The following TRIM44 variants were observed in gnomAD, a reference collection of about 807,000 sequenced individuals.
The protein encoded by TRIM44 is tripartite motif-containing protein 44.
TRIM44 carries 13 observed loss-of-function variants against 37.4 expected under a neutral mutation model. The ratio of observed to expected loss-of-function variants is 0.35; its 90% CI spans 0.23 to 0.55. TRIM44 has a LOEUF of 0.55. Among genes scored for constraint, TRIM44 ranks in the 20% least tolerant of loss-of-function variants. TRIM44 has a pLI of 0.89. For missense variants in TRIM44, 426 were observed against 437.2 expected (o/e 0.97, Z 0.23); for synonymous variants, 175 against 157.2 (o/e 1.11, Z -0.85).
chr11:35,754,378 G>A (rs11033265), intron 4 of TRIM44, among the ~76,000 whole-genome samples: 2,263 of 152,214 alleles, frequency 0.015, 120 homozygotes, highest in East Asian at 0.14. Flanking sequence ...TCTAGTGCCC[G>A]ACTATTATGG....
At chr11:35,783,686 CAGAT>C (rs1324384112) in intron 4 of TRIM44, among the ~76,000 whole-genome samples, 1 of 152,108 alleles carries the variant, frequency 6.6e-6, no homozygotes, top group Non-Finnish European at 1.5e-5. Context: ...GTTCATGTAG[CAGAT>C]AGAATGTTTT....
At chr11:35,711,423 C>T (rs1386572680) in intron 2 of TRIM44, among the ~76,000 whole-genome samples, 1 of 151,280 alleles carries the variant, frequency 6.6e-6, no homozygotes, top group African/African-American at 2.4e-5. Context: ...TGCTATCTGA[C>T]CTTGGGCAAA....
intron 4 of TRIM44, among the ~76,000 whole-genome samples, chr11:35,771,945 C>T (rs1852878605): frequency 6.6e-6 from 1 of 152,154 alleles, no homozygotes; most frequent in East Asian, 1.9e-4. Context: ...CACAGCAGGG[C>T]CTCCCATCAC....
intron 2 of TRIM44, among the ~76,000 whole-genome samples, chr11:35,688,670 ATCT>A (rs1289002542): frequency 2.0e-5 from 3 of 152,230 alleles, no homozygotes; most frequent in African/African-American, 7.2e-5. Context: ...TTTGTCAGAC[ATCT>A]TCTTTTCTTC....
chr11:35,806,521 G>A lies in TRIM44; in HGVS notation c.*136G>A. 1 of 906,238 alleles carries A rather than the reference G, an allele frequency of 1.1e-6. No individual in the cohort carries two copies. The highest frequency in any genetic ancestry group is 1.9e-5 in the Admixed American group (1 of 53,760). The allele number at this position is 906,238 out of a possible 1,614,324, so 56.1% of individuals were successfully genotyped here. On this transcript the variant is annotated 3_prime_UTR_variant, in exon 5 of 5. Transcript: ENST00000299413. The stretch of plus-strand genomic sequence containing the variant: ...CACCAGATGTGTCCCCAGATCCACA[G>A]CAGGCACATATCTCTCCAAGGGATG...
At chr11:35,784,400 G>A (rs960187735) in intron 4 of TRIM44, among the ~76,000 whole-genome samples, 1 of 152,116 alleles carries the variant, frequency 6.6e-6, no homozygotes, top group African/African-American at 2.4e-5. Context: ...AGGAGAAGTG[G>A]TGGTTTTACA....
chr11:35,759,982 C>A (rs1476556793), intron 4 of TRIM44, among the ~76,000 whole-genome samples: 1 of 152,194 alleles, frequency 6.6e-6, no homozygotes, highest in Admixed American at 6.5e-5. Context: ...CTCAGATCTC[C>A]AGCTGCATGC....
chr11:35,714,160 C>T (rs973202164), intron 2 of TRIM44, among the ~76,000 whole-genome samples: 2 of 152,114 alleles, frequency 1.3e-5, no homozygotes, highest in African/African-American at 4.8e-5. Context: ...ATTGGGGACT[C>T]TTCTTCTGTG....
chr11:35,803,871 A>G (rs643750), intron 4 of TRIM44, among the ~76,000 whole-genome samples: 133,410 of 152,084 alleles, frequency 0.88, 60,357 homozygotes, highest in Non-Finnish European at 0.99. Flanking sequence ...ACGACATACA[A>G]GCTGAGCAAA....
At chr11:35,694,221 A>G (rs1851669613) in intron 2 of TRIM44, among the ~76,000 whole-genome samples, 1 of 152,220 alleles carries the variant, frequency 6.6e-6, no homozygotes, top group African/African-American at 2.4e-5. Context: ...AGAATCCGCT[A>G]TAGAGCCGAT....
At chr11:35,665,528 C>CT (rs763960978) in intron 1 of TRIM44, among the ~76,000 whole-genome samples, 163 of 138,434 alleles carry the variant, frequency 1.2e-3, no homozygotes, top group Non-Finnish European at 2.2e-3. Context: ...CTAGTCAGTT[C>CT]TTTTGCCCAT....
At chr11:35,790,401 G>GT (rs1367976353) in intron 4 of TRIM44, among the ~76,000 whole-genome samples, 2 of 152,186 alleles carry the variant, frequency 1.3e-5, no homozygotes, top group Non-Finnish European at 2.9e-5. Flanking sequence ...ATGCTCTCAT[G>GT]TTTGGCATCT....
chr11:35,716,663 T>C (rs1852042520), intron 2 of TRIM44, among the ~76,000 whole-genome samples: 2 of 152,194 alleles, frequency 1.3e-5, no homozygotes, highest in Admixed American at 6.5e-5. Flanking sequence ...TATTATCTGG[T>C]GGAGAAAATA....
chr11:35,725,549 T>G (rs1852163987), intron 2 of TRIM44, among the ~76,000 whole-genome samples: 1 of 152,128 alleles, frequency 6.6e-6, no homozygotes, highest in East Asian at 1.9e-4. Context: ...TTGGCCAGGC[T>G]GGTTTCGAAC....
intron 2 of TRIM44, among the ~76,000 whole-genome samples, chr11:35,690,206 T>C (rs1851624522): frequency 6.6e-6 from 1 of 152,198 alleles, no homozygotes; most frequent in Non-Finnish European, 1.5e-5. Context: ...AAAAATTATC[T>C]AGCAGCATGA....
intron 2 of TRIM44, among the ~76,000 whole-genome samples, chr11:35,706,541 G>A (rs1423583553): frequency 6.6e-6 from 1 of 152,152 alleles, no homozygotes; most frequent in Admixed American, 6.5e-5. Context: ...GAATCCAGCA[G>A]CACATCAAAA....
chr11:35,689,895 TTCTCTC>T (rs1178722955), intron 2 of TRIM44, among the ~76,000 whole-genome samples: 2 of 152,222 alleles, frequency 1.3e-5, no homozygotes, highest in Non-Finnish European at 2.9e-5. Context: ...AACAGCCACT[TTCTCTC>T]TATTATGTAT....
At chr11:35,741,478 C>T (rs1852396669) in intron 4 of TRIM44, among the ~76,000 whole-genome samples, 3 of 152,102 alleles carry the variant, frequency 2.0e-5, no homozygotes, top group Admixed American at 2.0e-4. Flanking sequence ...GCTGAAGTGC[C>T]TCTAGCTTAT....
intron 4 of TRIM44, among the ~76,000 whole-genome samples, chr11:35,770,129 C>G (rs1032463946): frequency 3.9e-5 from 6 of 152,158 alleles, no homozygotes; most frequent in Non-Finnish European, 8.8e-5. Context: ...CAGTATTCAG[C>G]TCCCACTTAC....
Sources: allele counts gnomAD v4.1 joint callset (sites outside exome capture counted in the v4.1 genomes callset), GRCh38; gene constraint gnomAD v4.1.1; transcripts MANE v1.5; gene names NCBI Gene and HGNC (gene_info 2026-07-23, HGNC 2026-07-21).